Variants in TMEM132D observed in about 807,000 individuals in gnomAD.
TMEM132D encodes transmembrane protein 132D.
TMEM132D carries 21 observed loss-of-function variants against 62.3 expected under a neutral mutation model. The ratio of observed to expected loss-of-function variants is 0.34; its 90% CI spans 0.24 to 0.49. The LOEUF (loss-of-function observed/expected upper bound fraction) is 0.49. TMEM132D is among the 20% of genes least tolerant of loss of function. TMEM132D has a pLI of 0.99. For synonymous variants in TMEM132D, 621 were observed against 575.6 expected (o/e 1.08, Z -1.13); for missense variants, 1,346 against 1,402.8 (o/e 0.96, Z 0.65).
intron 3 of TMEM132D, among the ~76,000 whole-genome samples, chr12:129,406,103 T>A (rs1301543331): frequency 3.3e-5 from 5 of 152,220 alleles, no homozygotes; most frequent in African/African-American, 1.2e-4. Context: ...TTGTACATGT[T>A]AAGACATAAG....
At chr12:129,896,141 T>C (rs1011284459) in intron 1 of TMEM132D, among the ~76,000 whole-genome samples, 1 of 79,046 alleles carries the variant, frequency 1.3e-5, no homozygotes, top group Admixed American at 1.4e-4. Flanking sequence ...GGCTCATTTT[T>C]TTTGTTTTGT....
At chr12:129,344,280 G>C (rs151195801) in intron 3 of TMEM132D, among the ~76,000 whole-genome samples, 1 of 152,162 alleles carries the variant, frequency 6.6e-6, no homozygotes, top group African/African-American at 2.4e-5. Context: ...GGACTACAGT[G>C]CAGAAAGCCT....
chr12:129,149,014 C>T (rs372889491), intron 5 of TMEM132D, among the ~76,000 whole-genome samples: 1 of 152,154 alleles, frequency 6.6e-6, no homozygotes, highest in Non-Finnish European at 1.5e-5. Context: ...AAAAATGCTG[C>T]CCCTCATATG....
At chr12:129,513,848 ATT>A in intron 3 of TMEM132D, among the ~76,000 whole-genome samples, 1 of 112,778 alleles carries the variant, frequency 8.9e-6, no homozygotes, top group East Asian at 2.9e-4. Flanking sequence ...TTATTTATTT[ATT>A]TTTTTGAGAC....
intron 2 of TMEM132D, among the ~76,000 whole-genome samples, chr12:129,693,602 C>T (rs1321779339): frequency 2.0e-5 from 3 of 152,118 alleles, no homozygotes; most frequent in Non-Finnish European, 2.9e-5. Context: ...GCCGAGGAAA[C>T]GACCATGTCC....
At chr12:129,467,375 G>A (rs1480900906) in intron 3 of TMEM132D, among the ~76,000 whole-genome samples, 2 of 152,176 alleles carry the variant, frequency 1.3e-5, no homozygotes, top group African/African-American at 4.8e-5. Context: ...AGAGAAACCA[G>A]TTCCAGGTCC....
intron 2 of TMEM132D, among the ~76,000 whole-genome samples, chr12:129,594,796 ATGTGGCCTC>A (rs1878289966): frequency 6.6e-6 from 1 of 152,048 alleles, no homozygotes; most frequent in Non-Finnish European, 1.5e-5. Flanking sequence ...CCCCTCTCTA[ATGTGGCCTC>A]TGTACATAGT....
rs1009732106 is a variant in TMEM132D, at chr12:129,102,510, G to A, written c.1444-17808C>T. Among the ~76,000 whole-genome samples the A allele has an allele frequency of 6.1e-5, 9 of 147,590 alleles. No individual in the cohort carries two copies. In the South Asian group the frequency reaches 6.5e-4, roughly 11 times the overall value. On this transcript the variant is annotated intron_variant, in intron 5 of 8. Coordinates refer to ENST00000422113, the MANE Select transcript of TMEM132D (RefSeq NM_133448.3). ...CACACACACACACTTGCATATGCAC[G>A]CACACACGCACACACACAACACACA...
rs75961428 is a variant in TMEM132D at position 129,568,282 on chromosome 12, T to C, written c.969-37077A>G. ...CTAGTAAGTCCACTTGAGCAAGTTT[T>C]GTCACTTGCTACCAGGCAACTTACA... On this transcript the variant is annotated intron_variant, in intron 2 of 8. Coordinates refer to ENST00000422113, the MANE Select transcript of TMEM132D (RefSeq NM_133448.3). Among the ~76,000 whole-genome samples the C allele has an allele frequency of 7.8e-3, 1,183 of 152,334 alleles. 12 individuals are homozygous for C. Among genetic ancestry groups the C allele is most frequent in the African/African-American group, 0.026 (1,070 of 41,582 alleles).
At chr12:129,537,158 T>TA (rs10635477) in intron 2 of TMEM132D, among the ~76,000 whole-genome samples, 19 of 114,334 alleles carry the variant, frequency 1.7e-4, no homozygotes, top group Non-Finnish European at 1.9e-4. Flanking sequence ...AAACTCTGTC[T>TA]AAAAAAAAAA....
At chr12:129,223,092 T>C (rs1879390103) in intron 4 of TMEM132D, among the ~76,000 whole-genome samples, 1 of 152,080 alleles carries the variant, frequency 6.6e-6, no homozygotes. Flanking sequence ...GGTCCCTGAA[T>C]AGTTTAAGAA....
chr12:129,524,087 G>A (rs545276355), intron 3 of TMEM132D, among the ~76,000 whole-genome samples: 2 of 152,122 alleles, frequency 1.3e-5, no homozygotes, highest in Admixed American at 6.6e-5. Context: ...GTCGTGGGGT[G>A]GGGGGAGTGG....
At chr12:129,516,211 T>A (rs1445227522) in intron 3 of TMEM132D, among the ~76,000 whole-genome samples, 1 of 152,184 alleles carries the variant, frequency 6.6e-6, no homozygotes, top group Non-Finnish European at 1.5e-5. Context: ...TAACATTCAC[T>A]TAATCATTTC....
At chr12:129,738,636 A>T (rs1869503522) in intron 1 of TMEM132D, among the ~76,000 whole-genome samples, 1 of 152,256 alleles carries the variant, frequency 6.6e-6, no homozygotes, top group Non-Finnish European at 1.5e-5. Context: ...CTCTTCTTGG[A>T]GATAGAGCCA....
rs80019587 is a variant in TMEM132D at position 129,771,080 on chromosome 12, C to T, written c.80-70382G>A. On this transcript the variant is annotated intron_variant, in intron 1 of 8. Transcript: ENST00000422113. ...TCATGAGCAGAACAGAGGGTGCAGC[C>T]CGCACTCGGGCTCCAGCTGTGTTCC... 8.7e-3 allele frequency among the ~76,000 whole-genome samples: 1,332 copies of T among 152,264 alleles called. 9 individuals are homozygous for T. The highest frequency in any genetic ancestry group is 0.031 in the Middle Eastern group (9 of 294).
chr12:129,436,160 A>C (rs958589671), intron 3 of TMEM132D, among the ~76,000 whole-genome samples: 8 of 152,156 alleles, frequency 5.3e-5, no homozygotes, highest in African/African-American at 1.7e-4. Flanking sequence ...GCAGAGGAAA[A>C]AGCCACTATC....
chr12:129,749,183 A>C (rs1390862055), intron 1 of TMEM132D, among the ~76,000 whole-genome samples: 2 of 152,344 alleles, frequency 1.3e-5, no homozygotes, highest in East Asian at 3.9e-4. Flanking sequence ...TTGACTCTGC[A>C]TACATGCACA....
At chr12:129,447,712 G>A (rs1223355284) in intron 3 of TMEM132D, among the ~76,000 whole-genome samples, 1 of 152,170 alleles carries the variant, frequency 6.6e-6, no homozygotes, top group Non-Finnish European at 1.5e-5. Flanking sequence ...GAACACTGGG[G>A]TAGTAGTGAA....
chr12:129,217,408 G>A (rs74208315), intron 4 of TMEM132D, among the ~76,000 whole-genome samples: 3,118 of 152,272 alleles, frequency 0.02, 209 homozygotes, highest in East Asian at 0.18. Context: ...TAACATCACA[G>A]TGATTAATGC....
Sources: gnomAD v4.1 joint callset for allele counts (sites outside exome capture counted in the v4.1 genomes callset) on GRCh38, gnomAD v4.1.1 for gene constraint, MANE v1.5 for transcripts, NCBI Gene and HGNC (gene_info 2026-07-23, HGNC 2026-07-21) for gene names.